The following CCDC141 variants were observed in gnomAD, a reference collection of about 807,000 sequenced individuals.
CCDC141 encodes coiled-coil domain containing 141.
In CCDC141, 168 loss-of-function variants were observed where a neutral mutation model predicts 181.0. The ratio of observed to expected loss-of-function variants is 0.93; its 90% CI spans 0.82 to 1.05. The LOEUF is 1.05. Among genes scored for constraint, CCDC141 ranks in the 50% least tolerant of loss-of-function variants. The pLI is 0.00. For synonymous variants in CCDC141, 666 were observed against 642.3 expected, an observed-to-expected ratio of 1.04 and a Z score of -0.56; for missense variants, 1,902 against 1,788.5, an observed-to-expected ratio of 1.06 and a Z score of -1.14.
Position 178,856,340 on chromosome 2 carries a change from T to G in CCDC141, c.2782A>C (p.Thr928Pro), listed in dbSNP as rs772630384. The stretch of plus-strand genomic sequence containing the variant: ...TTCCGAGATTTTTCATTTTTCTTAG[T>G]GTAATTAAACTTCAAATTATTGAAT... ...KKFNNLKFNY[T>P]KKNEKSRNLK... Residue 928 changes from threonine (T) to proline (P), a missense_variant, in exon 18 of 24, where the codon ACT becomes CCT. Physicochemically the swap from Thr to Pro is conservative, Grantham distance 38 (BLOSUM62 -1). Transcript: ENST00000443758. 20 of 1,609,774 alleles carry G rather than the reference T, an allele frequency of 1.2e-5. No individual in the cohort carries two copies. The highest frequency in any genetic ancestry group is 1.6e-5 in the Non-Finnish European group (19 of 1,176,950).
At chr2:178,867,391 A>C (rs897794657) in intron 16 of CCDC141, among the ~76,000 whole-genome samples, 1 of 152,244 alleles carries the variant, frequency 6.6e-6, no homozygotes, top group African/African-American at 2.4e-5. Flanking sequence ...TAATTTTTAT[A>C]ATACAATAAC....
Position 178,856,393 on chromosome 2 carries a change from T to C in CCDC141, c.2729A>G (p.Lys910Arg). 6.4e-7 allele frequency: 1 copy of C among 1,571,458 alleles called. No individual in the cohort carries two copies. Among genetic ancestry groups the C allele is most frequent in the Non-Finnish European group, 8.7e-7 (1 of 1,153,014 alleles). ...CAMRDEINEL[K>R]DSFKDIKKKF... The stretch of plus-strand genomic sequence containing the variant: ...CTTTTTGATATCTTTGAATGAGTCT[T>C]TGAGCTGTAGTTCAATAAAAAGAAA... Residue 910 changes from lysine (K) to arginine (R), a missense_variant, in exon 18 of 24, where the codon AAA becomes AGA. Lys to Arg is a conservative substitution (Grantham distance 26). Coordinates refer to ENST00000443758, the MANE Select transcript of CCDC141 (RefSeq NM_173648.4).
chr2:178,959,524 T>G (rs1011212128), intron 5 of CCDC141, among the ~76,000 whole-genome samples: 1 of 152,138 alleles, frequency 6.6e-6, no homozygotes, highest in Non-Finnish European at 1.5e-5. Flanking sequence ...TTGTTTCGTG[T>G]CCTGAGGATT....
At chr2:179,005,523 T>C (rs1162068818) in intron 2 of CCDC141, among the ~76,000 whole-genome samples, 1 of 152,184 alleles carries the variant, frequency 6.6e-6, no homozygotes, top group Non-Finnish European at 1.5e-5. Context: ...CATATTACAT[T>C]ATAAACAATC....
intron 4 of CCDC141, among the ~76,000 whole-genome samples, chr2:178,964,548 GC>G (rs147184218): frequency 0.012 from 1,848 of 152,266 alleles, 21 homozygotes; most frequent in African/African-American, 0.035. Flanking sequence ...CAGGCACACA[GC>G]CTCCTGAGCC....
intron 4 of CCDC141, among the ~76,000 whole-genome samples, chr2:178,973,256 A>G (rs1046796110): frequency 2.0e-5 from 3 of 152,196 alleles, no homozygotes; most frequent in South Asian, 2.1e-4. Flanking sequence ...CACTGGGCAT[A>G]TGAACTGGGA....
chr2:178,834,336 C>T lies in CCDC141; in HGVS notation c.4430G>A (p.Gly1477Asp), dbSNP rs1172483547. Residue 1477 changes from glycine (G) to aspartate (D), a missense_variant, in exon 24 of 24, where the codon GGC becomes GAC. Transcript: ENST00000443758. Reference sequence around the variant, plus strand: ...GTTTTGGGCCCGAGCCACATAGAGGCCTGCGTCTGCCTTGCATACCTTTGG... The same window carrying T: ...GTTTTGGGCCCGAGCCACATAGAGGTCTGCGTCTGCCTTGCATACCTTTGG... ...FIPKVCKADA[G>D]LYVARAQNSS... The T allele has an allele frequency of 2.1e-5, 32 of 1,536,118 alleles. No individual in the cohort carries two copies. Among genetic ancestry groups the T allele is most frequent in the Non-Finnish European group, 2.6e-5 (30 of 1,146,868 alleles).
At chr2:178,845,569 T>C (rs1451899624) in intron 22 of CCDC141, 57 bp downstream of exon 22, 4 of 917,764 alleles carry the variant, frequency 4.4e-6, no homozygotes, top group African/African-American at 3.3e-5. Flanking sequence ...CAATGGACAA[T>C]GACTTTAACC....
intron 12 of CCDC141, chr2:178,874,756 A>C (rs13405116): frequency 6.6e-6 from 1 of 152,034 alleles, no homozygotes; most frequent in Non-Finnish European, 1.5e-5. Context: ...AATTCTGTGC[A>C]GACAGGAAGC....
chr2:178,968,689 A>G (rs1262913583), intron 4 of CCDC141, among the ~76,000 whole-genome samples: 1 of 152,184 alleles, frequency 6.6e-6, no homozygotes, highest in Non-Finnish European at 1.5e-5. Flanking sequence ...TAGAGAAGCG[A>G]CCGCAAACAA....
intron 2 of CCDC141, among the ~76,000 whole-genome samples, chr2:179,006,817 C>A (rs1304951936): frequency 6.6e-6 from 1 of 152,150 alleles, no homozygotes; most frequent in Non-Finnish European, 1.5e-5. Context: ...TTTCTTTCTA[C>A]ATTAAACATA....
intron 2 of CCDC141, among the ~76,000 whole-genome samples, chr2:178,982,805 G>C (rs180772851): frequency 6.6e-6 from 1 of 152,116 alleles, no homozygotes; most frequent in African/African-American, 2.4e-5. Context: ...CACCTGGCTC[G>C]GAGGGTCCTA....
In CCDC141 at chr2:178,833,003, C is replaced by T. The variant is rs1229882805; in HGVS notation, c.*1170G>A. 1.3e-5 allele frequency: 2 copies of T among 151,952 alleles called. No homozygotes were observed. The highest frequency in any genetic ancestry group is 6.6e-5 in the Admixed American group (1 of 15,240). 9.4% of individuals were successfully genotyped at this position (151,952 alleles called of 1,614,324 possible). A position where few individuals can be genotyped will look rare whatever the true frequency, so the allele number is the denominator to read the frequency against. On this transcript the variant is annotated 3_prime_UTR_variant, in exon 24 of 24. Coordinates refer to ENST00000443758, the MANE Select transcript of CCDC141 (RefSeq NM_173648.4). ...ATCTCATACCATTCTATTACGTTTC[C>T]CCCTAGAACAAACAAAATGTATCCT... is the stretch of plus-strand genomic sequence containing the variant.
Position 178,846,392 on chromosome 2 carries a change from A to T in CCDC141, c.3358-650T>A, listed in dbSNP as rs570525062. On this transcript the variant is annotated intron_variant, in intron 21 of 23. Transcript: ENST00000443758. Reference sequence around the variant, plus strand: ...GTGGAAAGAACCACTGGTATCACACATGATAGAACACACCAGTTTAGAATG... The same window carrying T: ...GTGGAAAGAACCACTGGTATCACACTTGATAGAACACACCAGTTTAGAATG... Among the ~76,000 whole-genome samples, 379 of 152,350 alleles carry T rather than the reference A, an allele frequency of 2.5e-3. 5 individuals carry two copies. Among genetic ancestry groups the T allele is most frequent in the Non-Finnish European group, 4.5e-3 (303 of 68,028 alleles).
At chr2:178,881,913 T>TCACACA (rs1270989895) in intron 11 of CCDC141, among the ~76,000 whole-genome samples, 79 of 110,994 alleles carry the variant, frequency 7.1e-4, no homozygotes, top group South Asian at 2.8e-3. Flanking sequence ...TCTCTCTCTC[T>TCACACA]CTCACACACA....
intron 2 of CCDC141, among the ~76,000 whole-genome samples, chr2:179,016,945 T>C (rs899519951): frequency 6.6e-6 from 1 of 152,072 alleles, no homozygotes; most frequent in African/African-American, 2.4e-5. Context: ...ACAAAATATA[T>C]TCCCTATGTG....
intron 4 of CCDC141, among the ~76,000 whole-genome samples, chr2:178,967,247 A>G (rs6727743): frequency 0.51 from 76,975 of 151,842 alleles, 20,671 homozygotes; most frequent in East Asian, 0.84. Flanking sequence ...CAGGAAATAC[A>G]GAGAACACCA....
chr2:178,906,859 A>AC (rs1687995891), intron 7 of CCDC141, among the ~76,000 whole-genome samples: 1 of 152,174 alleles, frequency 6.6e-6, no homozygotes. Context: ...ATGGTCATGG[A>AC]GGTACACAAA....
intron 9 of CCDC141, among the ~76,000 whole-genome samples, chr2:178,888,034 A>G (rs1558956524): frequency 6.6e-6 from 1 of 152,192 alleles, no homozygotes; most frequent in Non-Finnish European, 1.5e-5. Flanking sequence ...ATGCAGAATG[A>G]CTGTGTTGCC....
Sources: gnomAD v4.1 joint callset for allele counts (sites outside exome capture counted in the v4.1 genomes callset) on GRCh38, gnomAD v4.1.1 for gene constraint, MANE v1.5 for transcripts, NCBI Gene and HGNC (gene_info 2026-07-23, HGNC 2026-07-21) for gene names.